Variants in TSPEAR observed in about 807,000 individuals in gnomAD.
TSPEAR encodes the protein thrombospondin type laminin G domain and EAR repeats.
A neutral mutation model predicts 71.6 loss-of-function variants in TSPEAR; 69 were observed. The ratio of observed to expected loss-of-function variants is 0.96; its 90% CI spans 0.79 to 1.18. The LOEUF is 1.18. Ranked by LOEUF, TSPEAR falls within the 50% of genes most tolerant of loss-of-function variation. The probability of loss-of-function intolerance (pLI) is 0.00; values close to 1 mark genes in which losing one functional copy is unlikely to be tolerated. For synonymous variants in TSPEAR, 402 were observed against 387.2 expected (o/e 1.04, Z -0.45); for missense variants, 971 against 894.9 (o/e 1.09, Z -1.09).
intron 1 of TSPEAR, among the ~76,000 whole-genome samples, chr21:44,649,345 T>A (rs587637421): frequency 1.3e-5 from 2 of 152,266 alleles, no homozygotes; most frequent in Non-Finnish European, 2.9e-5. Context: ...GCACCTCACA[T>A]GCTCATCAAT....
intron 1 of TSPEAR, chr21:44,638,212 G>A: frequency 6.4e-7 from 1 of 1,571,886 alleles, no homozygotes; most frequent in Non-Finnish European, 8.7e-7. Context: ...CCCACCAGGG[G>A]CTGACCTCCC....
rs137936745 is a variant in TSPEAR at position 44,612,721 on chromosome 21, C to T, written c.83-44716G>A. ...CCACCTCCTGCTGCAGACCCTCCTC[C>T]TCCGTGTCCCTCCTCTGCCGCCCTG... is the stretch of plus-strand genomic sequence containing the variant. On this transcript the variant is annotated intron_variant, in intron 1 of 11. Transcript: ENST00000323084. This position sits in a 1 kb window ranked among gnomAD's most constrained non-coding sequence, Gnocchi z 4.1. 5.6e-6 allele frequency: 9 copies of T among 1,613,740 alleles called. No homozygotes were observed. In the African/African-American group the frequency reaches 6.7e-5, roughly 12 times the overall value.
At chr21:44,700,840 C>T (rs542716904) in intron 1 of TSPEAR, among the ~76,000 whole-genome samples, 2 of 152,330 alleles carry the variant, frequency 1.3e-5, no homozygotes, top group Non-Finnish European at 1.5e-5. Flanking sequence ...TTTTGAACCA[C>T]GTAATCCTCA....
rs782614194 is a variant in TSPEAR, at chr21:44,665,923, G to A, written c.82+45510C>T. On this transcript the variant is annotated intron_variant, in intron 1 of 11. Transcript: ENST00000323084. Reference sequence around the variant, plus strand: ...CATCAGTGCAGGGCTTGTTGGCCTGGAGCAGGAGTGGACAGCCAGTGGGGA... The same window carrying A: ...CATCAGTGCAGGGCTTGTTGGCCTGAAGCAGGAGTGGACAGCCAGTGGGGA... Among the ~76,000 whole-genome samples the A allele has an allele frequency of 9.9e-5, 15 of 152,182 alleles. No individual in the cohort carries two copies. In the South Asian group the frequency reaches 1.9e-3, roughly 19 times the overall value.
At chr21:44,584,985 A>G (rs375462019) in intron 1 of TSPEAR, among the ~76,000 whole-genome samples, 27 of 152,214 alleles carry the variant, frequency 1.8e-4, no homozygotes, top group African/African-American at 6.3e-4. Flanking sequence ...ATCTGTGGGC[A>G]TGTTTCTTTT....
At chr21:44,540,232 G>A in intron 2 of TSPEAR, 1 of 1,562,884 alleles carries the variant, frequency 6.4e-7, no homozygotes, top group South Asian at 1.2e-5. Flanking sequence ...GACTGAGTGT[G>A]TGAGTGAGTG....
chr21:44,533,772 A>G lies in TSPEAR; in HGVS notation c.455T>C (p.Leu152Pro), dbSNP rs1289037651. The G allele has an allele frequency of 2.5e-6, 4 of 1,612,324 alleles. No homozygotes were observed. The African/African-American group carries it at 4.0e-5, about 16-fold the overall frequency. Reference protein sequence around the residue: ...QTRVSFRSPALVDGRWHTLVL... With the variant: ...QTRVSFRSPAPVDGRWHTLVL... ...CAGTGTGTGCCAGCGGCCATCCACC[A>G]GGGCCGGGCTGCGGAAGGACACTCG... The change falls in exon 3 of 12, where the codon CTG (leucine) becomes CCG (proline). Residue 152 changes from leucine to proline, a missense_variant. Physicochemically the swap from Leu to Pro is moderately conservative, Grantham distance 98 (BLOSUM62 -3). Coordinates refer to ENST00000323084, the MANE Select transcript of TSPEAR (RefSeq NM_144991.3).
intron 1 of TSPEAR, among the ~76,000 whole-genome samples, chr21:44,682,572 T>C (rs184533979): frequency 1.8e-4 from 28 of 152,328 alleles, no homozygotes; most frequent in Admixed American, 1.7e-3. Flanking sequence ...CTGGGGAACC[T>C]GCTGGAGTGA....
chr21:44,524,787 G>C (rs1555914725), intron 8 of TSPEAR, among the ~76,000 whole-genome samples: 1 of 150,384 alleles, frequency 6.6e-6, no homozygotes, highest in African/African-American at 2.5e-5. Flanking sequence ...TAGTCAGTCA[G>C]AGAGTCAGGT....
chr21:44,701,208 G>A (rs536731234), intron 1 of TSPEAR, among the ~76,000 whole-genome samples: 1 of 152,222 alleles, frequency 6.6e-6, no homozygotes, highest in African/African-American at 2.4e-5. Flanking sequence ...TGGTCGGGCC[G>A]GGGTGCCCAG....
At chr21:44,539,593 G>C (rs587689766) in intron 2 of TSPEAR, 1 of 1,613,504 alleles carries the variant, frequency 6.2e-7, no homozygotes, top group Non-Finnish European at 8.5e-7. Context: ...TGCAACGGAC[G>C]GGCACGCAGC....
intron 2 of TSPEAR, among the ~76,000 whole-genome samples, chr21:44,544,573 A>C (rs782381269): frequency 1.1e-4 from 17 of 152,248 alleles, no homozygotes; most frequent in Non-Finnish European, 2.2e-4. Flanking sequence ...AATAATTGGG[A>C]GAGAAATAAT....
intron 2 of TSPEAR, 68 bp downstream of exon 2, chr21:44,567,717 T>C (rs1398137267): frequency 2.2e-6 from 3 of 1,385,620 alleles, no homozygotes; most frequent in African/African-American, 1.4e-5. Flanking sequence ...TGTGCACGCG[T>C]TGGTACTGGG....
At chr21:44,540,214 G>A in intron 2 of TSPEAR, 1 of 1,581,000 alleles carries the variant, frequency 6.3e-7, no homozygotes. Flanking sequence ...GTCAGTGTGT[G>A]TGTGAGTGAC....
chr21:44,656,210 G>T (rs1441940537), intron 1 of TSPEAR, among the ~76,000 whole-genome samples: 1 of 152,166 alleles, frequency 6.6e-6, no homozygotes, highest in East Asian at 1.9e-4. Context: ...CTTACGAGTC[G>T]ATTACAGAAG....
chr21:44,510,892 G>A (rs977201506), intron 9 of TSPEAR: 1 of 152,380 alleles, frequency 6.6e-6, no homozygotes, highest in Non-Finnish European at 1.5e-5. Flanking sequence ...GCGGGGCCGG[G>A]GGCTGGCTGA....
intron 1 of TSPEAR, chr21:44,681,697 C>CGA: frequency 2.5e-6 from 3 of 1,196,130 alleles, no homozygotes; most frequent in Non-Finnish European, 3.5e-6. Flanking sequence ...ATTATATTCT[C>CGA]GATCCAGAAT....
At chr21:44,533,999 C>T (rs2053031698) in intron 2 of TSPEAR, 76 bp from the exon 3 acceptor site, 2 of 1,084,568 alleles carry the variant, frequency 1.8e-6, no homozygotes, top group Non-Finnish European at 2.7e-6. Context: ...ATGGGAATGG[C>T]AGAGGTGATG....
intron 4 of TSPEAR, among the ~76,000 whole-genome samples, chr21:44,530,477 A>G (rs1391653372): frequency 6.6e-6 from 1 of 151,126 alleles, no homozygotes; most frequent in Non-Finnish European, 1.5e-5. Context: ...CCCTCCATCC[A>G]TCCATTCATC....
Sources: gnomAD v4.1 joint callset for allele counts (sites outside exome capture counted in the v4.1 genomes callset) on GRCh38, gnomAD v4.1.1 for gene constraint, Gnocchi (gnomAD v3.1) non-coding constraint, MANE v1.5 for transcripts, NCBI Gene and HGNC (gene_info 2026-07-23, HGNC 2026-07-21) for gene names.